The following RPRD2 variants were observed in gnomAD, a reference collection of about 807,000 sequenced individuals.
RPRD2 encodes the protein regulation of nuclear pre-mRNA domain containing 2.
Under a neutral mutation model 104.4 loss-of-function variants are expected in RPRD2, and 12 were observed. The observed-to-expected ratio is 0.11, with a 90% confidence interval of 0.07 to 0.19. RPRD2 has a LOEUF of 0.19. Among genes scored for constraint, RPRD2 ranks in the 10% least tolerant of loss-of-function variants. The pLI, the probability that RPRD2 is intolerant of heterozygous loss-of-function variation, is 1.00. For synonymous variants in RPRD2, 714 were observed against 684.9 expected, an observed-to-expected ratio of 1.04 and a Z score of -0.66; for missense variants, 1,543 against 1,790.1, an observed-to-expected ratio of 0.86 and a Z score of 2.49.
At chr1:150,392,911 G>A (rs1473979131) in intron 1 of RPRD2, among the ~76,000 whole-genome samples, 3 of 151,992 alleles carry the variant, frequency 2.0e-5, no homozygotes, top group Non-Finnish European at 4.4e-5. Flanking sequence ...GAAGTATGAA[G>A]CATAGAAAAA....
intron 10 of RPRD2, among the ~76,000 whole-genome samples, chr1:150,467,125 G>C: frequency 6.6e-6 from 1 of 152,142 alleles, no homozygotes; most frequent in East Asian, 1.9e-4. Flanking sequence ...TCTATCAAAG[G>C]AGTGGTGTAA....
intron 1 of RPRD2, among the ~76,000 whole-genome samples, chr1:150,384,453 T>C (rs74322702): frequency 0.088 from 3,006 of 33,984 alleles, 114 homozygotes; most frequent in African/African-American, 0.17. Context: ...TCATCATCAT[T>C]ATTATTATTA....
At chr1:150,419,950 G>A (rs1234357263) in intron 2 of RPRD2, among the ~76,000 whole-genome samples, 1 of 152,010 alleles carries the variant, frequency 6.6e-6, no homozygotes, top group Non-Finnish European at 1.5e-5. Context: ...TTTTAAGGAA[G>A]AAGAAACTGT....
At chr1:150,404,677 A>G (rs1193730029) in intron 1 of RPRD2, among the ~76,000 whole-genome samples, 1 of 152,068 alleles carries the variant, frequency 6.6e-6, no homozygotes, top group Non-Finnish European at 1.5e-5. Flanking sequence ...TCAAACTTCA[A>G]ACTTTGAACT....
At chr1:150,453,178 G>A (rs1039759763) in intron 7 of RPRD2, among the ~76,000 whole-genome samples, 3 of 151,604 alleles carry the variant, frequency 2.0e-5, no homozygotes, top group Admixed American at 6.6e-5. Context: ...TACTACAGGC[G>A]CACACCACCA....
At chr1:150,388,960 G>A (rs1197439856) in intron 1 of RPRD2, among the ~76,000 whole-genome samples, 1 of 152,006 alleles carries the variant, frequency 6.6e-6, no homozygotes, top group Non-Finnish European at 1.5e-5. Context: ...TTTACCTACT[G>A]TTGTTTTCTC....
At chr1:150,405,886 G>GCAGT (rs1484840795) in intron 1 of RPRD2, among the ~76,000 whole-genome samples, 6 of 152,148 alleles carry the variant, frequency 3.9e-5, no homozygotes, top group African/African-American at 1.4e-4. Context: ...CCAGGGTATT[G>GCAGT]CAGTGTTTGT....
intron 9 of RPRD2, among the ~76,000 whole-genome samples, chr1:150,463,693 C>A (rs1338350671): frequency 1.3e-5 from 2 of 152,156 alleles, no homozygotes; most frequent in African/African-American, 4.8e-5. Context: ...TAAATAATCT[C>A]ATTTTAAAAG....
At chr1:150,411,811 A>AC (rs1663948134) in intron 1 of RPRD2, among the ~76,000 whole-genome samples, 3 of 115,230 alleles carry the variant, frequency 2.6e-5, no homozygotes, top group Admixed American at 8.7e-5. Flanking sequence ...AAAAAAAAAA[A>AC]AAAAACGAAA....
At position 150,472,097 on chromosome 1, in the gene RPRD2, C is replaced by G. The variant is rs376874270; in HGVS notation, c.3149C>G (p.Thr1050Ser). ...TCAAACCTCACCCAACCCAGCTTGA[C>G]CGCCACTGATCAGCAGCAACAAGAA... ...SLSNLTQPSL[T>S]ATDQQQQEEH... The change falls in exon 11 of 11, where the codon ACC becomes AGC. Residue 1050 changes from threonine to serine, a missense_variant. Physicochemically the swap from Thr to Ser is moderately conservative, Grantham distance 58 (BLOSUM62 1). Coordinates refer to ENST00000369068, the MANE Select transcript of RPRD2 (RefSeq NM_015203.5). The G allele has an allele frequency of 6.2e-7, 1 of 1,613,846 alleles. No individual in the cohort carries two copies. The highest frequency in any genetic ancestry group is 2.2e-5 in the East Asian group (1 of 44,886).
intron 7 of RPRD2, 100 bp from the exon 8 acceptor site, chr1:150,457,186 TAC>T (rs1553897747): frequency 8.8e-7 from 1 of 1,136,352 alleles, no homozygotes; most frequent in African/African-American, 1.5e-5. Context: ...ATTGTGCCAC[TAC>T]ACTCTAGCCT....
At chr1:150,437,374 C>G (rs116140174) in intron 2 of RPRD2, among the ~76,000 whole-genome samples, 2,678 of 152,196 alleles carry the variant, frequency 0.018, 46 homozygotes, top group Non-Finnish European at 0.024. Flanking sequence ...TGCATGCCTG[C>G]AGTCCCAGCT....
At position 150,443,848 on chromosome 1, in the gene RPRD2, T is replaced by TA. The variant is rs5777727; in HGVS notation, c.568-389dup. On this transcript the variant is annotated intron_variant, in intron 5 of 10. Transcript: ENST00000369068. ...GTGAAACCCCGTCTCTACTAAAAAT[T>TA]AAAAAAAAAAAAAACAAAAATTAGC... 1.3e-3 allele frequency among the ~76,000 whole-genome samples: 184 copies of TA among 145,208 alleles called. No homozygotes were observed. The Middle Eastern group carries it at 0.014, about 11-fold the overall frequency.
chr1:150,380,008 A>G (rs1380791952), intron 1 of RPRD2, among the ~76,000 whole-genome samples: 1 of 152,196 alleles, frequency 6.6e-6, no homozygotes, highest in East Asian at 1.9e-4. Context: ...AACATCGCAT[A>G]TTGCCCGATC....
At chr1:150,371,105 A>C (rs587686016) in intron 1 of RPRD2, among the ~76,000 whole-genome samples, 10 of 152,274 alleles carry the variant, frequency 6.6e-5, no homozygotes, top group South Asian at 4.1e-4. Context: ...TTCATACAGG[A>C]TTTGGTTTTG....
intron 1 of RPRD2, among the ~76,000 whole-genome samples, chr1:150,368,263 T>A (rs1660002106): frequency 6.7e-6 from 1 of 149,704 alleles, no homozygotes; most frequent in Admixed American, 6.7e-5. Context: ...ATTACATGTA[T>A]CTGTTTTTTA....
chr1:150,414,666 A>AC (rs1664206374), intron 1 of RPRD2, among the ~76,000 whole-genome samples: 2 of 152,022 alleles, frequency 1.3e-5, no homozygotes, highest in African/African-American at 4.8e-5. Flanking sequence ...ATAACATTAA[A>AC]AAAAAATCTC....
rs587709293 is a variant in RPRD2, at chr1:150,404,566, T to A, written c.206-13030T>A. 4.8e-4 allele frequency among the ~76,000 whole-genome samples: 73 copies of A among 152,156 alleles called. 1 individual carries two copies. The highest frequency in any genetic ancestry group is 3.3e-3 in the South Asian group (16 of 4,820). On this transcript the variant is annotated intron_variant, in intron 1 of 10. Transcript: ENST00000369068. The stretch of plus-strand genomic sequence containing the variant: ...CACCTGGCCTAAGAAGTCTGTTTCT[T>A]ATAGCTAAAGTGGATGTCTTTGCTA...
chr1:150,407,708 G>A (rs931792102), intron 1 of RPRD2, among the ~76,000 whole-genome samples: 1 of 152,138 alleles, frequency 6.6e-6, no homozygotes, highest in Admixed American at 6.5e-5. Flanking sequence ...GTGATTTTAA[G>A]GAAGTTGGGA....
Sources: allele counts gnomAD v4.1 joint callset (sites outside exome capture counted in the v4.1 genomes callset), GRCh38; gene constraint gnomAD v4.1.1; transcripts MANE v1.5; gene names NCBI Gene and HGNC (gene_info 2026-07-23, HGNC 2026-07-21).